ANK2: variants seen among roughly 807,000 people sequenced by gnomAD.
ANK2 encodes ankyrin-2.
A neutral mutation model predicts 360.5 loss-of-function variants in ANK2; 83 were observed. That is an observed-to-expected ratio of 0.23 (90% CI 0.19 to 0.28). The LOEUF (loss-of-function observed/expected upper bound fraction) is 0.28. Ranked by LOEUF, ANK2 falls within the 10% of genes least tolerant of loss-of-function variation. The probability of loss-of-function intolerance (pLI) is 1.00; values close to 1 mark genes in which losing one functional copy is unlikely to be tolerated. For synonymous variants in ANK2, 1,740 were observed against 1,759.5 expected (o/e 0.99, Z 0.28); for missense variants, 4,201 against 4,795.7 (o/e 0.88, Z 3.66).
chr4:113,318,706 G>A, intron 26 of ANK2, 86 bp downstream of exon 26: 8 of 1,157,956 alleles, frequency 6.9e-6, no homozygotes, highest in Non-Finnish European at 1.0e-5. Flanking sequence ...AGCTTTAGCT[G>A]GTGGCTAGCT....
At chr4:113,271,337 A>G (rs29407) in intron 14 of ANK2, among the ~76,000 whole-genome samples, 117,117 of 152,198 alleles carry the variant, frequency 0.77, 45,125 homozygotes, top group South Asian at 0.79. Flanking sequence ...ACCACATGGA[A>G]TATGGGATGT....
intron 14 of ANK2, among the ~76,000 whole-genome samples, chr4:113,266,602 G>T (rs1019641627): frequency 2.6e-5 from 4 of 152,196 alleles, no homozygotes; most frequent in South Asian, 4.2e-4. Context: ...TCTCTGCCAG[G>T]CATGGTGGCT....
chr4:113,193,398 C>G (rs1249363861), intron 2 of ANK2, among the ~76,000 whole-genome samples: 1 of 152,152 alleles, frequency 6.6e-6, no homozygotes, highest in Non-Finnish European at 1.5e-5. Flanking sequence ...TCATAAAAAA[C>G]TAAATCCTTA....
intron 1 of ANK2, chr4:113,145,492 G>GCT: frequency 9.8e-6 from 6 of 612,170 alleles, no homozygotes; most frequent in Non-Finnish European, 1.2e-5. Flanking sequence ...AGGAACTTAA[G>GCT]TCCATGTGTG....
At chr4:112,830,677 C>A (rs1005113593) in intron 1 of ANK2, among the ~76,000 whole-genome samples, 1 of 152,150 alleles carries the variant, frequency 6.6e-6, no homozygotes, top group Non-Finnish European at 1.5e-5. Flanking sequence ...CTCTCGGCAC[C>A]TCCTCAGGCT....
chr4:113,372,963 G>C, intron 43 of ANK2, 127 bp from the exon 44 acceptor site: 1 of 891,204 alleles, frequency 1.1e-6, no homozygotes. Flanking sequence ...ACAGGATTTT[G>C]TATCTCAGCA....
In ANK2 at chr4:113,358,928, T is replaced by C. The variant is rs886039169; in HGVS notation, c.10310T>C (p.Ile3437Thr). Residue 3437 changes from isoleucine to threonine, a missense_variant, in exon 38 of 46, where the codon ATA (isoleucine) becomes ACA (threonine). Ile to Thr is a moderately conservative substitution (Grantham distance 89, BLOSUM62 -1). This residue lies in a region of ANK2 where 2,642 missense variants were observed against 2,714.5 expected (regional missense o/e 0.97). Transcript: ENST00000357077. ...GAAGAAGGGGCCACAAGACCAAAGA[T>C]ACTTACATCCCGATTGCCAGTTAAG... ...ESEEGATRPK[I>T]LTSRLPVKSR... 3 of 1,613,842 alleles carry C rather than the reference T, an allele frequency of 1.9e-6. No individual in the cohort carries two copies. The highest frequency in any genetic ancestry group is 4.5e-5 in the East Asian group (2 of 44,862).
At chr4:112,986,260 C>A (rs1275740202) in intron 2 of ANK2, among the ~76,000 whole-genome samples, 50 of 151,746 alleles carry the variant, frequency 3.3e-4, no homozygotes. Flanking sequence ...TTGAGTATGT[C>A]ATTTCTGTAC....
chr4:113,228,648 G>A (rs150730750), intron 4 of ANK2, among the ~76,000 whole-genome samples: 76 of 152,028 alleles, frequency 5.0e-4, no homozygotes, highest in African/African-American at 1.8e-3. Flanking sequence ...CTATAAACAC[G>A]TGTGTGCAAG....
intron 1 of ANK2, among the ~76,000 whole-genome samples, chr4:112,899,109 G>T (rs2082556998): frequency 6.6e-6 from 1 of 152,188 alleles, no homozygotes; most frequent in East Asian, 1.9e-4. Flanking sequence ...TTTCCTGTGG[G>T]TGTAGTCTCA....
intron 32 of ANK2, among the ~76,000 whole-genome samples, chr4:113,340,938 G>A (rs1409702871): frequency 2.0e-5 from 3 of 152,060 alleles, no homozygotes; most frequent in East Asian, 3.9e-4. Flanking sequence ...TAATGACCTC[G>A]ACTTTCTTTG....
intron 1 of ANK2, among the ~76,000 whole-genome samples, chr4:113,150,070 G>C (rs995248853): frequency 2.0e-5 from 3 of 151,900 alleles, no homozygotes; most frequent in Non-Finnish European, 4.4e-5. Flanking sequence ...AGAAGGAGGG[G>C]ATCAGTGCAG....
rs1224748007 is a variant in ANK2 at position 113,101,778 on chromosome 4, G to A, written c.84+51966G>A. Among the ~76,000 whole-genome samples, 3 of 152,118 alleles carry A rather than the reference G, an allele frequency of 2.0e-5. No homozygotes were observed. In the East Asian group the frequency reaches 5.8e-4, roughly 29 times the overall value. ...TAAGAGAGTTTTACAAGGAGACCTG[G>A]TTTGGCTTGAGTTGGGAATGCATTA... On this transcript the variant is annotated intron_variant, in intron 1 of 45. Transcript: ENST00000357077.
chr4:113,090,133 A>G (rs542188001), intron 1 of ANK2, among the ~76,000 whole-genome samples: 150 of 152,342 alleles, frequency 9.8e-4, no homozygotes, highest in Non-Finnish European at 1.7e-3. Flanking sequence ...TCACTAATGC[A>G]GAAATTCCTA....
At chr4:112,923,321 T>C (rs972213247) in intron 2 of ANK2, among the ~76,000 whole-genome samples, 2 of 152,184 alleles carry the variant, frequency 1.3e-5, no homozygotes, top group African/African-American at 4.8e-5. Context: ...TGGTAAAACA[T>C]TTGCCCTAGT....
At chr4:113,059,933 C>T (rs1173731403) in intron 1 of ANK2, among the ~76,000 whole-genome samples, 1 of 152,118 alleles carries the variant, frequency 6.6e-6, no homozygotes, top group Admixed American at 6.6e-5. Context: ...CAAAGGCATA[C>T]ACTTCATTCT....
At chr4:113,250,013 T>G (rs1331049307) in intron 10 of ANK2, 151 bp downstream of exon 10, 2 of 681,550 alleles carry the variant, frequency 2.9e-6, no homozygotes, top group Non-Finnish European at 5.0e-6. Flanking sequence ...TCAAACCACT[T>G]AAAATTATTA....
intron 26 of ANK2, among the ~76,000 whole-genome samples, chr4:113,325,863 G>A (rs1039507717): frequency 6.6e-6 from 1 of 152,154 alleles, no homozygotes; most frequent in Non-Finnish European, 1.5e-5. Context: ...TTCATTGCCA[G>A]GTGAGGCTTC....
At chr4:113,030,891 G>C (rs988155307) in intron 2 of ANK2, among the ~76,000 whole-genome samples, 5 of 152,118 alleles carry the variant, frequency 3.3e-5, no homozygotes, top group Middle Eastern at 3.4e-3. Context: ...AGATTTTTAA[G>C]TGAGGGGGAT....
Sources: allele counts gnomAD v4.1 joint callset (sites outside exome capture counted in the v4.1 genomes callset), GRCh38; gene constraint gnomAD v4.1.1; regional missense constraint gnomAD v4.1.1; transcripts MANE v1.5; gene names NCBI Gene and HGNC (gene_info 2026-07-23, HGNC 2026-07-21).